Variants in ARHGAP24 observed in about 807,000 individuals in gnomAD.
ARHGAP24 encodes the protein Rho GTPase activating protein 24.
Under a neutral mutation model 76.4 loss-of-function variants are expected in ARHGAP24, and 50 were observed. That is an observed-to-expected ratio of 0.65 (90% CI 0.52 to 0.83). The LOEUF (loss-of-function observed/expected upper bound fraction) is 0.83. ARHGAP24 is among the 40% of genes least tolerant of loss of function. The pLI is 0.00. For missense variants in ARHGAP24, 930 were observed against 914.2 expected, an observed-to-expected ratio of 1.02 and a Z score of -0.22; for synonymous variants, 345 against 323.3, an observed-to-expected ratio of 1.07 and a Z score of -0.72.
intron 2 of ARHGAP24, among the ~76,000 whole-genome samples, chr4:85,655,818 A>AGAGAGAGAAAGAGAGAGAGAG (rs1237643654): frequency 2.8e-5 from 1 of 35,506 alleles, no homozygotes; most frequent in African/African-American, 1.5e-4. Flanking sequence ...GAGAGAGAGA[A>AGAGAGAGAAAGAGAGAGAGAG]AGAGAGAGAG....
At position 85,995,388 on chromosome 4, in the gene ARHGAP24, C is replaced by T. The variant is rs1375942454; in HGVS notation, c.1734C>T (p.Cys578=). Residue 578 remains cysteine (C), a synonymous_variant, in exon 9 of 10, where the codon TGC becomes TGT. Coordinates refer to ENST00000395184, the MANE Select transcript of ARHGAP24 (RefSeq NM_001025616.3). ...SNSCRSSTTT[C]PEQDFFGGNF... ...CCTGTCGCTCTTCTACCACCACCTG[C>T]CCAGAGCAAGACTTTTTTGGGGGGA... 5.0e-6 allele frequency: 8 copies of T among 1,613,702 alleles called. No homozygotes were observed. In the African/African-American group the frequency reaches 9.3e-5, roughly 19 times the overall value.
rs1265262344 is a variant in ARHGAP24 at position 85,655,848 on chromosome 4, G to GAC, written c.181-66036_181-66035insCA. On this transcript the variant is annotated intron_variant, in intron 2 of 9. Transcript: ENST00000395184. ...AGAGAGAGAGAGAGAGAGAGAGACA[G>GAC]AGAGGAAGTTTGGTTAGACTGTGCC... Among the ~76,000 whole-genome samples the GAC allele has an allele frequency of 1.3e-3, 86 of 67,582 alleles. 13 individuals carry two copies. The highest frequency in any genetic ancestry group is 4.7e-3 in the African/African-American group (78 of 16,464). 44.3% of individuals were successfully genotyped at this position (67,582 alleles called of 152,430 possible).
chr4:85,677,846 T>G (rs1209446497), intron 2 of ARHGAP24, among the ~76,000 whole-genome samples: 2 of 152,164 alleles, frequency 1.3e-5, no homozygotes, highest in Admixed American at 6.6e-5. Flanking sequence ...TTTAAAGAGC[T>G]GTTTCAGCCT....
intron 3 of ARHGAP24, among the ~76,000 whole-genome samples, chr4:85,837,540 C>G (rs1730355849): frequency 6.6e-6 from 1 of 152,048 alleles, no homozygotes; most frequent in Non-Finnish European, 1.5e-5. Context: ...AAAAAACAAG[C>G]AGCGGAATTA....
At chr4:85,645,304 T>TAA (rs1233610904) in intron 2 of ARHGAP24, among the ~76,000 whole-genome samples, 1 of 152,182 alleles carries the variant, frequency 6.6e-6, no homozygotes, top group Non-Finnish European at 1.5e-5. Context: ...ATTTTCAGGA[T>TAA]AAATTGAACT....
intron 3 of ARHGAP24, among the ~76,000 whole-genome samples, chr4:85,900,944 C>T (rs929245026): frequency 6.6e-6 from 1 of 152,192 alleles, no homozygotes; most frequent in African/African-American, 2.4e-5. Context: ...GGCCACACAA[C>T]TGATGCTGTC....
intron 2 of ARHGAP24, among the ~76,000 whole-genome samples, chr4:85,682,892 A>G (rs760848899): frequency 1.8e-4 from 27 of 152,188 alleles, no homozygotes; most frequent in Non-Finnish European, 2.8e-4. Context: ...TGCGTCTCCA[A>G]TATATTATGC....
chr4:85,821,389 T>G (rs906000707), intron 3 of ARHGAP24, among the ~76,000 whole-genome samples: 2 of 152,196 alleles, frequency 1.3e-5, no homozygotes, highest in African/African-American at 4.8e-5. Context: ...TTATGATTAT[T>G]CTGAGATAGG....
At chr4:85,703,954 CT>C (rs2110028751) in intron 2 of ARHGAP24, among the ~76,000 whole-genome samples, 1 of 152,292 alleles carries the variant, frequency 6.6e-6, no homozygotes, top group Non-Finnish European at 1.5e-5. Context: ...CCCTCAGCCC[CT>C]GGCAATGACT....
chr4:85,990,084 C>T (rs972942335), intron 8 of ARHGAP24: 3 of 151,568 alleles, frequency 2.0e-5, no homozygotes, highest in Admixed American at 1.3e-4. Context: ...ATAACTAATA[C>T]GCAAATATAT....
At chr4:85,648,347 T>G (rs1413285228) in intron 2 of ARHGAP24, among the ~76,000 whole-genome samples, 1 of 152,144 alleles carries the variant, frequency 6.6e-6, no homozygotes, top group Non-Finnish European at 1.5e-5. Flanking sequence ...GCTATGACAA[T>G]TAGTTTAATA....
In ARHGAP24 at chr4:85,584,288, G is replaced by A. The variant is rs1449122036; in HGVS notation, c.180+13567G>A. 2.6e-5 allele frequency among the ~76,000 whole-genome samples: 4 copies of A among 152,102 alleles called. No homozygotes were observed. In the East Asian group the frequency reaches 5.8e-4, roughly 22 times the overall value. On this transcript the variant is annotated intron_variant, in intron 2 of 9. Coordinates refer to ENST00000395184, the MANE Select transcript of ARHGAP24 (RefSeq NM_001025616.3). ...AAAAAATGATGAGTTCATGTCCTTT[G>A]TAGGGACATGGATGAAATTGGAAAT...
At chr4:85,610,748 A>C (rs1720355341) in intron 2 of ARHGAP24, among the ~76,000 whole-genome samples, 1 of 152,146 alleles carries the variant, frequency 6.6e-6, no homozygotes, top group East Asian at 1.9e-4. Context: ...GTTTCCATTC[A>C]CATTCACCAA....
At chr4:85,689,057 G>C (rs1158121462) in intron 2 of ARHGAP24, among the ~76,000 whole-genome samples, 1 of 152,068 alleles carries the variant, frequency 6.6e-6, no homozygotes, top group Non-Finnish European at 1.5e-5. Context: ...ATAAAATTTA[G>C]AATAGATTTT....
At chr4:85,863,726 G>T (rs1403547168) in intron 3 of ARHGAP24, among the ~76,000 whole-genome samples, 1 of 152,070 alleles carries the variant, frequency 6.6e-6, no homozygotes, top group African/African-American at 2.4e-5. Flanking sequence ...TTGTCAAACT[G>T]AATGTGTGCA....
At chr4:85,962,496 T>C (rs537315903) in intron 5 of ARHGAP24, among the ~76,000 whole-genome samples, 1 of 150,164 alleles carries the variant, frequency 6.7e-6, no homozygotes, top group Non-Finnish European at 1.5e-5. Flanking sequence ...GATATTATAG[T>C]ATATAGTATA....
At chr4:85,653,672 A>AG (rs1463500741) in intron 2 of ARHGAP24, among the ~76,000 whole-genome samples, 1 of 152,016 alleles carries the variant, frequency 6.6e-6, no homozygotes, top group Non-Finnish European at 1.5e-5. Context: ...TTTAGCAGCG[A>AG]GGGGGTTTCA....
At chr4:85,798,967 G>T (rs893959619) in intron 3 of ARHGAP24, among the ~76,000 whole-genome samples, 1 of 152,072 alleles carries the variant, frequency 6.6e-6, no homozygotes, top group East Asian at 1.9e-4. Context: ...TTACAAAAAT[G>T]CATGCAAATA....
At position 85,952,642 on chromosome 4, in the gene ARHGAP24, T is replaced by A. The variant is rs535003742; in HGVS notation, c.599+10369T>A. 4.6e-5 allele frequency among the ~76,000 whole-genome samples: 7 copies of A among 152,342 alleles called. No individual in the cohort carries two copies. In the East Asian group the frequency reaches 9.6e-4, roughly 21 times the overall value. On this transcript the variant is annotated intron_variant, in intron 5 of 9. Coordinates refer to ENST00000395184, the MANE Select transcript of ARHGAP24 (RefSeq NM_001025616.3). ...ACTTTCTGCTCTTCTTTAATTATAC[T>A]GTATACTCTTTTTTCCAGTTCTGAA...
Sources: allele counts gnomAD v4.1 joint callset (sites outside exome capture counted in the v4.1 genomes callset), GRCh38; gene constraint gnomAD v4.1.1; transcripts MANE v1.5; gene names NCBI Gene and HGNC (gene_info 2026-07-23, HGNC 2026-07-21).